Variants in TRIOBP observed in about 807,000 individuals in gnomAD.
The protein encoded by TRIOBP is TRIO and F-actin binding protein.
A neutral mutation model predicts 238.8 loss-of-function variants in TRIOBP; 169 were observed. That is an observed-to-expected ratio of 0.71 (90% CI 0.62 to 0.80). The LOEUF (loss-of-function observed/expected upper bound fraction) is 0.80. Ranked by LOEUF, TRIOBP falls within the 30% of genes least tolerant of loss-of-function variation. The pLI, the probability that TRIOBP is intolerant of heterozygous loss-of-function variation, is 0.00. For missense variants in TRIOBP, 2,838 were observed against 3,122.6 expected (o/e 0.91, Z 2.17); for synonymous variants, 1,150 against 1,274.4 (o/e 0.90, Z 2.08).
intron 9 of TRIOBP, among the ~76,000 whole-genome samples, chr22:37,735,721 C>A (rs1924639979): frequency 6.6e-6 from 1 of 152,232 alleles, no homozygotes; most frequent in Admixed American, 6.5e-5. Context: ...GTGAGAAATA[C>A]ACTATTTACA....
In TRIOBP at chr22:37,701,481, T is replaced by G; in HGVS notation, c.114+2T>G. 6.2e-7 allele frequency: 1 copy of G among 1,607,176 alleles called. No individual in the cohort carries two copies. Among genetic ancestry groups the G allele is most frequent in the Non-Finnish European group, 8.5e-7 (1 of 1,176,710 alleles). ...GAGGCCCATGGAGCAAGATACCAGG[T>G]GGGCCAGTTTTCCACGTGGTTGGGG... On this transcript the variant is annotated splice_donor_variant, in intron 3 of 23. Transcript: ENST00000644935. LOFTEE classifies it high-confidence loss of function.
chr22:37,750,990 A>C (rs1427959290), intron 11 of TRIOBP: 1 of 373,248 alleles, frequency 2.7e-6, no homozygotes, highest in African/African-American at 2.1e-5. Context: ...CTGCAGAGGG[A>C]CCGGGACTTA....
At chr22:37,760,320 A>G (rs1926180700) in intron 17 of TRIOBP, 1 of 152,276 alleles carries the variant, frequency 6.6e-6, no homozygotes, top group African/African-American at 2.4e-5. Flanking sequence ...CAACAAAACA[A>G]TAAATCAAGC....
chr22:37,772,561 G>T (rs1163774722), intron 22 of TRIOBP, 40 bp from the exon 23 acceptor site: 1 of 1,613,484 alleles, frequency 6.2e-7, no homozygotes, highest in Non-Finnish European at 8.5e-7. Flanking sequence ...GGGCTGGAGG[G>T]AGAGACTTCA....
chr22:37,702,634 CTTTTTTTT>C (rs34625454), intron 3 of TRIOBP, among the ~76,000 whole-genome samples: 3 of 81,198 alleles, frequency 3.7e-5, no homozygotes, highest in Non-Finnish European at 6.9e-5. Context: ...TTCTCTCTCT[CTTTTTTTT>C]TTTTTTTTTT....
At position 37,760,830 on chromosome 22, in the gene TRIOBP, G is replaced by A. The variant is rs28416488; in HGVS notation, c.6324+1566G>A. Among the ~76,000 whole-genome samples, 481 of 152,130 alleles carry A rather than the reference G, an allele frequency of 3.2e-3. 1 individual carries two copies. Among genetic ancestry groups the A allele is most frequent in the Non-Finnish European group, 5.8e-3 (392 of 67,992 alleles). On this transcript the variant is annotated intron_variant, in intron 17 of 23. Transcript: ENST00000644935. Reference sequence around the variant, plus strand: ...CTCTAATAAAATACAAAAAATAGCCGGGCGTGGTGGTGCGCACTGTAGTCC... The same window carrying A: ...CTCTAATAAAATACAAAAAATAGCCAGGCGTGGTGGTGCGCACTGTAGTCC...
chr22:37,769,454 G>A, intron 21 of TRIOBP, 79 bp downstream of exon 21: 3 of 1,373,828 alleles, frequency 2.2e-6, no homozygotes, highest in Non-Finnish European at 3.0e-6. Context: ...CATAGGCTGG[G>A]TATCACCTGT....
At position 37,765,833 on chromosome 22, in the gene TRIOBP, G is replaced by GT. The variant is rs575380344; in HGVS notation, c.6472+16_6472+17insT. 22 of 1,582,270 alleles carry GT rather than the reference G, an allele frequency of 1.4e-5. No homozygotes were observed. Among genetic ancestry groups the GT allele is most frequent in the Non-Finnish European group, 1.6e-5 (19 of 1,168,348 alleles). ...ACGGCCTCAGGTATGGACCCTGGGG[G>GT]GGGCACAGTGGGCTGGGCTCTGAGC... is the stretch of plus-strand genomic sequence containing the variant. On this transcript the variant is annotated intron_variant, in intron 18 of 23. Coordinates refer to ENST00000644935, the MANE Select transcript of TRIOBP (RefSeq NM_001039141.3).
At chr22:37,699,256 G>A (rs896681365) in intron 2 of TRIOBP, among the ~76,000 whole-genome samples, 10 of 152,090 alleles carry the variant, frequency 6.6e-5, no homozygotes, top group African/African-American at 2.4e-4. Flanking sequence ...TGTCAAAGAC[G>A]TCGTCCTCAA....
chr22:37,752,558 G>A lies in TRIOBP; in HGVS notation c.5379+730G>A, dbSNP rs577088093. ...GCATGCGCCTGCTGCTCTGGTCTGC[G>A]TGCAGCCTGCATGCCGGAGAGGGCT... On this transcript the variant is annotated intron_variant, in intron 12 of 23. Transcript: ENST00000644935. Among the ~76,000 whole-genome samples, 3 of 152,344 alleles carry A rather than the reference G, an allele frequency of 2.0e-5. No individual in the cohort carries two copies. The South Asian group carries it at 6.2e-4, about 32-fold the overall frequency.
chr22:37,765,304 A>C (rs181005124), intron 17 of TRIOBP, among the ~76,000 whole-genome samples: 85 of 152,068 alleles, frequency 5.6e-4, no homozygotes, highest in Non-Finnish European at 9.6e-4. Context: ...AAACAAAAAA[A>C]CCACAAAATT....
chr22:37,744,747 C>T (rs1925132383), intron 11 of TRIOBP, among the ~76,000 whole-genome samples: 1 of 152,200 alleles, frequency 6.6e-6, no homozygotes, highest in African/African-American at 2.4e-5. Context: ...GTTAGATGGA[C>T]TTAACCTTGG....
chr22:37,745,877 C>T (rs1033428996), intron 11 of TRIOBP, among the ~76,000 whole-genome samples: 35 of 152,292 alleles, frequency 2.3e-4, no homozygotes, highest in African/African-American at 7.9e-4. Flanking sequence ...GGAAGCGCAG[C>T]CTGGGCGAGT....
At chr22:37,760,450 G>A (rs1169751714) in intron 17 of TRIOBP, 2 of 152,194 alleles carry the variant, frequency 1.3e-5, no homozygotes, top group East Asian at 1.9e-4. Flanking sequence ...TATTCACTAG[G>A]ATTTCCACCA....
In TRIOBP at chr22:37,725,264, A is replaced by G; in HGVS notation, c.2708A>G (p.Asp903Gly). Reference protein sequence around the residue: ...RNSSPHRTNKDIPWASFPLRP... With the variant: ...RNSSPHRTNKGIPWASFPLRP... ...TCATCTCCCCATCGTACTAACAAAG[A>G]CATCCCCTGGGCCTCGTTTCCCCTC... The change falls in exon 7 of 24, where the codon GAC (aspartate) becomes GGC (glycine). Residue 903 changes from aspartate to glycine, a missense_variant. Physicochemically the swap from Asp to Gly is moderately conservative, Grantham distance 94 (BLOSUM62 -1). Coordinates refer to ENST00000644935, the MANE Select transcript of TRIOBP (RefSeq NM_001039141.3). 2 of 1,613,996 alleles carry G rather than the reference A, an allele frequency of 1.2e-6. No homozygotes were observed. The highest frequency in any genetic ancestry group is 1.7e-6 in the Non-Finnish European group (2 of 1,180,004).
chr22:37,726,153 G>A lies in TRIOBP; in HGVS notation c.3597G>A (p.Leu1199=), dbSNP rs756181068. The A allele has an allele frequency of 1.3e-6, 2 of 1,581,960 alleles. No individual in the cohort carries two copies. The highest frequency in any genetic ancestry group is 2.7e-5 in the African/African-American group (2 of 72,736). ...QDPPGTSMES[L]APSTDSLHGS... is the part of the protein sequence containing the mutation. ...CCCCTGGAACTAGTATGGAGAGCCT[G>A]GCCCCCTCCACTGACTCTCTGCATG... Residue 1199 remains leucine, a synonymous_variant, in exon 7 of 24, where the codon CTG becomes CTA. Transcript: ENST00000644935.
chr22:37,746,273 A>AAAG, intron 11 of TRIOBP: 5 of 1,072,548 alleles, frequency 4.7e-6, no homozygotes, highest in Non-Finnish European at 5.6e-6. Flanking sequence ...AGCGTCGGGG[A>AAAG]AAGGAAGGGC....
At chr22:37,730,372 A>C (rs1426632050) in intron 7 of TRIOBP, among the ~76,000 whole-genome samples, 2 of 152,320 alleles carry the variant, frequency 1.3e-5, no homozygotes, top group East Asian at 3.9e-4. Context: ...ACATGGGGGA[A>C]AAAAGGAAGG....
intron 21 of TRIOBP, 101 bp from the exon 22 acceptor site, chr22:37,771,549 T>C (rs1926771639): frequency 4.8e-6 from 5 of 1,047,868 alleles, no homozygotes; most frequent in Non-Finnish European, 7.5e-6. Context: ...AGGGGCTGCA[T>C]TCTAGGGGCC....
Sources: allele counts gnomAD v4.1 joint callset (sites outside exome capture counted in the v4.1 genomes callset), GRCh38; gene constraint gnomAD v4.1.1; transcripts MANE v1.5; gene names NCBI Gene and HGNC (gene_info 2026-07-23, HGNC 2026-07-21).